YBX1: variants seen among roughly 807,000 people sequenced by gnomAD.
The protein encoded by YBX1 is Y-box-binding protein 1.
Under a neutral mutation model 41.4 loss-of-function variants are expected in YBX1, and 3 were observed. That is an observed-to-expected ratio of 0.07 (90% CI 0.03 to 0.19). YBX1 has a LOEUF of 0.19. YBX1 is among the 10% of genes least tolerant of loss of function. The pLI is 1.00. For synonymous variants in YBX1, 133 were observed against 165.8 expected, an observed-to-expected ratio of 0.80 and a Z score of 1.52; for missense variants, 274 against 462.8, an observed-to-expected ratio of 0.59 and a Z score of 3.74.
At chr1:42,689,011 A>G (rs1439106967) in intron 2 of YBX1, among the ~76,000 whole-genome samples, 1 of 152,234 alleles carries the variant, frequency 6.6e-6, no homozygotes, top group Non-Finnish European at 1.5e-5. Context: ...CAAAAGTTAC[A>G]GGCAGATTTC....
At chr1:42,699,811 C>G (rs759537087) in intron 6 of YBX1, among the ~76,000 whole-genome samples, 1 of 151,754 alleles carries the variant, frequency 6.6e-6, no homozygotes. Context: ...AATGAGAAAA[C>G]AATAAGGAAT....
At chr1:42,689,115 G>A (rs1339417126) in intron 2 of YBX1, among the ~76,000 whole-genome samples, 1 of 152,186 alleles carries the variant, frequency 6.6e-6, no homozygotes, top group Admixed American at 6.5e-5. Context: ...TGTCCCCCTA[G>A]TCCTGGGGCT....
chr1:42,693,245 C>T (rs972603566), intron 2 of YBX1, among the ~76,000 whole-genome samples: 2 of 151,032 alleles, frequency 1.3e-5, no homozygotes, highest in Non-Finnish European at 2.9e-5. Flanking sequence ...AATTATGGCT[C>T]AGTAGGTCAC....
intron 2 of YBX1, among the ~76,000 whole-genome samples, chr1:42,689,681 A>C (rs1650282656): frequency 6.6e-6 from 1 of 152,180 alleles, no homozygotes; most frequent in Admixed American, 6.5e-5. Context: ...ATGAAAAGCA[A>C]ATGCTAGAAT....
chr1:42,698,079 A>T (rs1367200625), intron 6 of YBX1, among the ~76,000 whole-genome samples: 2 of 152,188 alleles, frequency 1.3e-5, no homozygotes, highest in Non-Finnish European at 2.9e-5. Context: ...AAATCCCCAA[A>T]TTTTTAAGTG....
Position 42,702,493 on chromosome 1 carries a change from T to A in YBX1, c.*544T>A, listed in dbSNP as rs1650629272. The A allele has an allele frequency of 6.6e-6, 1 of 152,474 alleles. No homozygotes were observed. The highest frequency in any genetic ancestry group is 1.5e-5 in the Non-Finnish European group (1 of 68,050). The allele number at this position is 152,474 out of a possible 1,614,324, so 9.4% of individuals were successfully genotyped here. On this transcript the variant is annotated 3_prime_UTR_variant, in exon 8 of 8. Coordinates refer to ENST00000321358, the MANE Select transcript of YBX1 (RefSeq NM_004559.5). The stretch of plus-strand genomic sequence containing the variant: ...AAATGTCTCAAAATCTCTAATCCTT[T>A]AAGTGGCATGCCTGTGGGCCCATAC...
At position 42,700,988 on chromosome 1, in the gene YBX1, C is replaced by T. The variant is rs371842681; in HGVS notation, c.948C>T (p.Pro316=). The T allele has an allele frequency of 1.1e-4, 176 of 1,614,000 alleles. No individual in the cohort carries two copies. Among genetic ancestry groups the T allele is most frequent in the Non-Finnish European group, 1.3e-4 (155 of 1,180,028 alleles). The change falls in exon 7 of 8, where the codon CCC becomes CCT. Residue 316 remains proline, a synonymous_variant. Transcript: ENST00000321358. ...CACCAGCTGAGAATTCGTCCGCTCC[C>T]GAGGCTGAGCAGGGCGGGGCTGAGT... is the stretch of plus-strand genomic sequence containing the variant. ...ADPPAENSSA[P]EAEQGGAE
chr1:42,683,324 G>A (rs1444941815), intron 1 of YBX1, 79 bp from the exon 2 acceptor site: 4 of 1,568,812 alleles, frequency 2.5e-6, no homozygotes, highest in Non-Finnish European at 3.5e-6. Flanking sequence ...GCGTGCGAGG[G>A]ACCGGATGCC....
At position 42,701,018 on chromosome 1, in the gene YBX1, G is replaced by T. The variant is rs1200000409; in HGVS notation, c.*3G>T. ...CTGAGCAGGGCGGGGCTGAGTAAAT[G>T]CCGGCTTACCATCTCTACCATCATC... On this transcript the variant is annotated 3_prime_UTR_variant, in exon 7 of 8. Transcript: ENST00000321358. 5 of 1,613,998 alleles carry T rather than the reference G, an allele frequency of 3.1e-6. No homozygotes were observed. Among genetic ancestry groups the T allele is most frequent in the Non-Finnish European group, 4.2e-6 (5 of 1,179,894 alleles).
At position 42,696,157 on chromosome 1, in the gene YBX1, A is replaced by G. The variant is rs777801054; in HGVS notation, c.265-42A>G. On this transcript the variant is annotated intron_variant, in intron 3 of 7. Coordinates refer to ENST00000321358, the MANE Select transcript of YBX1 (RefSeq NM_004559.5). This position sits in a 1 kb window ranked among gnomAD's most constrained non-coding sequence, Gnocchi z 5.7. ...TACATTTTAAATGAAAAAGCACATT[A>G]TTCTCCCCTGTTAATCTATTTTTGG... 3 of 1,520,510 alleles carry G rather than the reference A, an allele frequency of 2.0e-6. No homozygotes were observed. Among genetic ancestry groups the G allele is most frequent in the Non-Finnish European group, 2.7e-6 (3 of 1,111,490 alleles). 94.2% of individuals were successfully genotyped at this position (1,520,510 alleles called of 1,614,324 possible). A position where few individuals can be genotyped will look rare whatever the true frequency, so the allele number is the denominator to read the frequency against.
rs1228234976 is a variant in YBX1 at position 42,702,774 on chromosome 1, C to T, written c.*825C>T. On this transcript the variant is annotated 3_prime_UTR_variant, in exon 8 of 8. Transcript: ENST00000321358. ...AGTGTTAGGACAACCTGTCACACTG[C>T]CTGGTGTGGTCATCAAATATTGGTT... 1.3e-5 allele frequency among the ~76,000 whole-genome samples: 2 copies of T among 152,312 alleles called. No individual in the cohort carries two copies. The highest frequency in any genetic ancestry group is 3.9e-4 in the East Asian group (2 of 5,182).
intron 3 of YBX1, among the ~76,000 whole-genome samples, chr1:42,695,125 A>G (rs1650428559): frequency 6.6e-6 from 1 of 152,204 alleles, no homozygotes; most frequent in African/African-American, 2.4e-5. Context: ...GGTGCCACCA[A>G]TATGCTTTCA....
At chr1:42,693,871 C>T (rs1650398068) in intron 3 of YBX1, among the ~76,000 whole-genome samples, 1 of 152,088 alleles carries the variant, frequency 6.6e-6, no homozygotes, top group African/African-American at 2.4e-5. Context: ...GAAACTTTGG[C>T]AAGAAGTTTT....
At chr1:42,697,311 T>A (rs1402178764) in intron 6 of YBX1, 49 bp downstream of exon 6, 4 of 1,584,350 alleles carry the variant, frequency 2.5e-6, no homozygotes, top group Non-Finnish European at 3.4e-6. Flanking sequence ...CAAACCCGTG[T>A]TAGGACTCAG....
In YBX1 at chr1:42,696,371, GTGGA is replaced by G. The variant is rs1650457879; in HGVS notation, c.354+90_354+93del. ...CATCCATTAGGATGGTGGCTCTAAT[GTGGA>G]TGGATGTGTTCAGGTGACCTCATGA... On this transcript the variant is annotated intron_variant, in intron 4 of 7. Coordinates refer to ENST00000321358, the MANE Select transcript of YBX1 (RefSeq NM_004559.5). The surrounding 1 kb of genome is among the most constrained non-coding windows in gnomAD (Gnocchi z 5.7). 1 of 1,393,454 alleles carries G rather than the reference GTGGA, an allele frequency of 7.2e-7. No individual in the cohort carries two copies. The highest frequency in any genetic ancestry group is 1.4e-5 in the African/African-American group (1 of 69,716). The allele number at this position is 1,393,454 out of a possible 1,614,324, so 86.3% of individuals were successfully genotyped here.
At chr1:42,689,774 A>T (rs1245917060) in intron 2 of YBX1, among the ~76,000 whole-genome samples, 1 of 151,960 alleles carries the variant, frequency 6.6e-6, no homozygotes, top group African/African-American at 2.4e-5. Context: ...GGGAAGTTAA[A>T]TTTTTTTGCC....
intron 6 of YBX1, among the ~76,000 whole-genome samples, 189 bp downstream of exon 6, chr1:42,697,451 T>A (rs1650489664): frequency 6.6e-6 from 1 of 152,216 alleles, no homozygotes; most frequent in Non-Finnish European, 1.5e-5. Flanking sequence ...ATAAATTTTT[T>A]TAGAAAATGA....
chr1:42,686,448 C>A (rs1650199201), intron 2 of YBX1, among the ~76,000 whole-genome samples: 1 of 152,194 alleles, frequency 6.6e-6, no homozygotes, highest in African/African-American at 2.4e-5. Context: ...TAAGTAAAAA[C>A]CACCTGGCCA....
chr1:42,701,167 A>G (rs1557536483), intron 7 of YBX1, 121 bp downstream of exon 7: 1 of 720,052 alleles, frequency 1.4e-6, no homozygotes, highest in Non-Finnish European at 2.3e-6. Flanking sequence ...GTTATTTATA[A>G]TGTGTTCTGC....
Sources: allele counts gnomAD v4.1 joint callset (sites outside exome capture counted in the v4.1 genomes callset), GRCh38; gene constraint gnomAD v4.1.1; non-coding constraint Gnocchi (gnomAD v3.1); transcripts MANE v1.5; gene names NCBI Gene and HGNC (gene_info 2026-07-23, HGNC 2026-07-21).